Variants in SCAF11 observed in about 807,000 individuals in gnomAD.
The protein encoded by SCAF11 is SR-related CTD associated factor 11.
In SCAF11, 47 loss-of-function variants were observed where a neutral mutation model predicts 140.5. The observed-to-expected ratio is 0.33, with a 90% confidence interval of 0.26 to 0.43. The LOEUF (loss-of-function observed/expected upper bound fraction) is 0.43. Among genes scored for constraint, SCAF11 ranks in the 20% least tolerant of loss-of-function variants. The pLI is 1.00. For missense variants in SCAF11, 1,645 were observed against 1,705.1 expected, an observed-to-expected ratio of 0.96 and a Z score of 0.62; for synonymous variants, 557 against 579.4, an observed-to-expected ratio of 0.96 and a Z score of 0.55.
chr12:45,949,768 GAT>G (rs1945508032), intron 4 of SCAF11, among the ~76,000 whole-genome samples: 2 of 152,266 alleles, frequency 1.3e-5, no homozygotes, highest in Admixed American at 1.3e-4. Flanking sequence ...TGGTATTCCA[GAT>G]AGAGATGCAC....
intron 1 of SCAF11, among the ~76,000 whole-genome samples, 179 bp downstream of exon 1, chr12:45,990,174 G>A (rs1171146794): frequency 1.3e-5 from 2 of 152,134 alleles, no homozygotes; most frequent in African/African-American, 4.8e-5. Context: ...CCCACTTCGA[G>A]AGGTAGCTCC....
At chr12:45,968,749 T>C (rs985926970) in intron 1 of SCAF11, among the ~76,000 whole-genome samples, 1 of 152,100 alleles carries the variant, frequency 6.6e-6, no homozygotes, top group Admixed American at 6.5e-5. Context: ...GAGACTAGCC[T>C]GACCAACACG....
chr12:45,940,689 GGA>G (rs1241132679), intron 6 of SCAF11, among the ~76,000 whole-genome samples: 1 of 152,082 alleles, frequency 6.6e-6, no homozygotes, highest in Non-Finnish European at 1.5e-5. Flanking sequence ...CCATCCTTTT[GGA>G]ATACTTCAAC....
chr12:45,984,120 G>C (rs1341084375), intron 1 of SCAF11, among the ~76,000 whole-genome samples: 1 of 152,058 alleles, frequency 6.6e-6, no homozygotes, highest in Non-Finnish European at 1.5e-5. Context: ...CGAATAGTGA[G>C]GGAACCCAGA....
intron 6 of SCAF11, among the ~76,000 whole-genome samples, chr12:45,934,736 G>A (rs1019549219): frequency 6.6e-6 from 1 of 152,174 alleles, no homozygotes; most frequent in African/African-American, 2.4e-5. Flanking sequence ...ACTGGGTGAA[G>A]TATGTCAAAC....
intron 3 of SCAF11, among the ~76,000 whole-genome samples, chr12:45,958,463 G>T (rs1021593926): frequency 6.6e-6 from 1 of 152,114 alleles, no homozygotes; most frequent in South Asian, 2.1e-4. Flanking sequence ...CATTTCATCA[G>T]TTCAAATGTC....
chr12:45,964,192 T>C lies in SCAF11; in HGVS notation c.-21-4A>G, dbSNP rs1320685185. The C allele has an allele frequency of 6.1e-6, 8 of 1,316,020 alleles. No individual in the cohort carries two copies. The highest frequency in any genetic ancestry group is 1.9e-4 in the Middle Eastern group (1 of 5,324). The allele number at this position is 1,316,020 out of a possible 1,614,324, so 81.5% of individuals were successfully genotyped here. A position where few individuals can be genotyped will look rare whatever the true frequency, so the allele number is the denominator to read the frequency against. On this transcript the variant is annotated splice_polypyrimidine_tract_variant and splice_region_variant and intron_variant, in intron 1 of 14. Coordinates refer to ENST00000369367, the MANE Select transcript of SCAF11 (RefSeq NM_004719.3). Reference sequence around the variant, plus strand: ...TTTCTCTTTGGAAAAGGGTTTCCTATAAGATAAATTATAATAGAGAATTTT... The same window carrying C: ...TTTCTCTTTGGAAAAGGGTTTCCTACAAGATAAATTATAATAGAGAATTTT...
chr12:45,925,988 T>C (rs1413094503), intron 11 of SCAF11, among the ~76,000 whole-genome samples, 154 bp downstream of exon 11: 2 of 152,224 alleles, frequency 1.3e-5, no homozygotes, highest in Admixed American at 6.5e-5. Flanking sequence ...TACGTGTATA[T>C]ATATTTATAT....
chr12:45,927,878 C>T lies in SCAF11; in HGVS notation c.1823G>A (p.Ser608Asn). 2 of 1,613,408 alleles carry T rather than the reference C, an allele frequency of 1.2e-6. No homozygotes were observed. The highest frequency in any genetic ancestry group is 1.1e-5 in the South Asian group (1 of 90,902). Residue 608 changes from serine (S) to asparagine (N), a missense_variant, in exon 11 of 15, where the codon AGC (serine) becomes AAC (asparagine). Transcript: ENST00000369367. ...ACCCTCAGAAGATTCTAACTTGGGG[C>T]TCTCTATAAGCTCCTCTGTTTTTAG... ...FTLKTEELIE[S>N]PKLESSEGEI...
intron 6 of SCAF11, among the ~76,000 whole-genome samples, chr12:45,937,211 T>C (rs1290501839): frequency 6.6e-6 from 1 of 152,196 alleles, no homozygotes; most frequent in Non-Finnish European, 1.5e-5. Context: ...TAAATGAATA[T>C]CCTATCATCT....
chr12:45,931,088 C>G (rs1945032811), intron 10 of SCAF11: 1 of 152,324 alleles, frequency 6.6e-6, no homozygotes, highest in South Asian at 2.1e-4. Context: ...ACCACACCTA[C>G]CCCACCCCCT....
At position 45,956,081 on chromosome 12, in the gene SCAF11, G is replaced by C. The variant is rs1592200127; in HGVS notation, c.220-4354C>G. Reference sequence around the variant, plus strand: ...AGCTCAGACAAACCCACATTTAAATGTAAGAACAAGAAACCTTCCTTATTT... The same window carrying C: ...AGCTCAGACAAACCCACATTTAAATCTAAGAACAAGAAACCTTCCTTATTT... On this transcript the variant is annotated intron_variant, in intron 3 of 14. Coordinates refer to ENST00000369367, the MANE Select transcript of SCAF11 (RefSeq NM_004719.3). 4 of 713,442 alleles carry C rather than the reference G, an allele frequency of 5.6e-6. No homozygotes were observed. In the East Asian group the frequency reaches 1.1e-4, roughly 19 times the overall value. The allele number at this position is 713,442 out of a possible 1,614,324, so 44.2% of individuals were successfully genotyped here. A position where few individuals can be genotyped will look rare whatever the true frequency, so the allele number is the denominator to read the frequency against.
rs1802104 is a variant in SCAF11, at chr12:45,926,827, G to A, written c.2874C>T (p.Asp958=). 4.3e-6 allele frequency: 7 copies of A among 1,613,962 alleles called. No homozygotes were observed. Among genetic ancestry groups the A allele is most frequent in the East Asian group, 4.5e-5 (2 of 44,886 alleles). Reference sequence around the variant, plus strand: ...TCCACCGGGGAGAGTAACTATCTCTGTCAATTCTACCAAATGATGAACTCT... The same window carrying A: ...TCCACCGGGGAGAGTAACTATCTCTATCAATTCTACCAAATGATGAACTCT... The part of the protein sequence containing the change: ...KSKSSSFGRI[D]RDSYSPRWKG... The change falls in exon 11 of 15, where the codon GAC becomes GAT. Residue 958 remains aspartate, a synonymous_variant. Transcript: ENST00000369367.
At chr12:45,978,306 T>C (rs1946279361) in intron 1 of SCAF11, among the ~76,000 whole-genome samples, 1 of 152,170 alleles carries the variant, frequency 6.6e-6, no homozygotes, top group South Asian at 2.1e-4. Flanking sequence ...TCCTCAAGAT[T>C]CTCATCCCCA....
At chr12:45,945,909 C>T (rs928110604) in intron 5 of SCAF11, among the ~76,000 whole-genome samples, 1 of 151,804 alleles carries the variant, frequency 6.6e-6, no homozygotes, top group African/African-American at 2.4e-5. Context: ...CCAGGCTGGT[C>T]TCAAACCCCG....
chr12:45,991,808 T>C (rs1037106306), upstream of SCAF11: 46 of 1,090,000 alleles, frequency 4.2e-5, no homozygotes, highest in Non-Finnish European at 5.2e-5. Context: ...CAGCTGACCT[T>C]CCAGTCCTCC....
chr12:45,947,292 A>C (rs1945444438), intron 5 of SCAF11, among the ~76,000 whole-genome samples: 1 of 152,156 alleles, frequency 6.6e-6, no homozygotes, highest in South Asian at 2.1e-4. Flanking sequence ...CTCATATTCA[A>C]TTTACCTCAA....
intron 4 of SCAF11, among the ~76,000 whole-genome samples, chr12:45,950,962 G>A (rs1945535466): frequency 6.6e-6 from 1 of 152,036 alleles, no homozygotes; most frequent in African/African-American, 2.4e-5. Context: ...ACTTGGTAGT[G>A]ATACATCAAG....
chr12:45,934,057 A>C, intron 8 of SCAF11, 119 bp downstream of exon 8: 1 of 578,834 alleles, frequency 1.7e-6, no homozygotes, highest in Admixed American at 3.8e-5. Flanking sequence ...AAACTAAAGC[A>C]AAACAACCAG....
Sources: allele counts gnomAD v4.1 joint callset (sites outside exome capture counted in the v4.1 genomes callset), GRCh38; gene constraint gnomAD v4.1.1; transcripts MANE v1.5; gene names NCBI Gene and HGNC (gene_info 2026-07-23, HGNC 2026-07-21).